Variants in PPM1L observed in about 807,000 individuals in gnomAD.
The protein encoded by PPM1L is protein phosphatase, Mg2+/Mn2+ dependent 1L.
Under a neutral mutation model 31.4 loss-of-function variants are expected in PPM1L, and 13 were observed. The ratio of observed to expected loss-of-function variants is 0.41; its 90% CI spans 0.27 to 0.66. The LOEUF is 0.66. Ranked by LOEUF, PPM1L falls within the 30% of genes least tolerant of loss-of-function variation. The pLI is 0.29. For missense variants in PPM1L, 326 were observed against 453.7 expected (o/e 0.72, Z 2.56); for synonymous variants, 184 against 175.4 (o/e 1.05, Z -0.39).
At chr3:161,037,106 T>C (rs1718761958) in intron 2 of PPM1L, among the ~76,000 whole-genome samples, 1 of 152,226 alleles carries the variant, frequency 6.6e-6, no homozygotes, top group African/African-American at 2.4e-5. Context: ...ACTTCTCTCA[T>C]TGCGGTGGAA....
chr3:161,024,308 C>T (rs183852990), intron 2 of PPM1L, among the ~76,000 whole-genome samples: 356 of 150,824 alleles, frequency 2.4e-3, no homozygotes, highest in African/African-American at 8.4e-3. Context: ...TTTTGTTTGG[C>T]TTTCACATGA....
chr3:160,933,051 G>T (rs1395350466), intron 1 of PPM1L, among the ~76,000 whole-genome samples: 1 of 152,118 alleles, frequency 6.6e-6, no homozygotes, highest in African/African-American at 2.4e-5. Flanking sequence ...ATCCATGAAG[G>T]GAGTATGATT....
At chr3:160,963,547 A>G (rs1716036015) in intron 2 of PPM1L, among the ~76,000 whole-genome samples, 2 of 152,094 alleles carry the variant, frequency 1.3e-5, no homozygotes, top group Admixed American at 1.3e-4. Flanking sequence ...GTTAAGATGA[A>G]ATGTGGAGCC....
intron 2 of PPM1L, among the ~76,000 whole-genome samples, chr3:161,051,403 C>CACACACAA (rs1491153188): frequency 1.4e-5 from 2 of 147,934 alleles, no homozygotes; most frequent in African/African-American, 5.0e-5. Context: ...CACACACACA[C>CACACACAA]AACCATCCTG....
intron 1 of PPM1L, among the ~76,000 whole-genome samples, chr3:160,771,580 A>G (rs1300233631): frequency 1.5e-5 from 2 of 130,278 alleles, no homozygotes; most frequent in African/African-American, 5.9e-5. Flanking sequence ...TAAAAAGAGC[A>G]TATTAAATAT....
chr3:161,066,655 T>C (rs1380636396), intron 3 of PPM1L, among the ~76,000 whole-genome samples: 1 of 152,226 alleles, frequency 6.6e-6, no homozygotes, highest in African/African-American at 2.4e-5. Context: ...GCAGGATGTA[T>C]GCTCTTCATG....
intron 1 of PPM1L, among the ~76,000 whole-genome samples, chr3:160,787,491 A>G (rs1159787923): frequency 1.3e-5 from 2 of 152,144 alleles, no homozygotes; most frequent in Non-Finnish European, 2.9e-5. Context: ...GATTCTGGAT[A>G]TTAGACCTTT....
intron 1 of PPM1L, among the ~76,000 whole-genome samples, chr3:160,877,395 G>C (rs558903437): frequency 6.6e-6 from 1 of 152,298 alleles, no homozygotes; most frequent in African/African-American, 2.4e-5. Flanking sequence ...TCTTGCCTCA[G>C]TGTACACATC....
At chr3:160,787,191 C>T (rs1414542489) in intron 1 of PPM1L, among the ~76,000 whole-genome samples, 2 of 152,196 alleles carry the variant, frequency 1.3e-5, no homozygotes, top group Non-Finnish European at 2.9e-5. Flanking sequence ...CTGCTTTCCA[C>T]AGTGGCTGAA....
chr3:161,065,479 G>A lies in PPM1L; in HGVS notation c.651G>A (p.Leu217=), dbSNP rs758025380. 1.1e-5 allele frequency: 17 copies of A among 1,613,886 alleles called. No homozygotes were observed. In the East Asian group the frequency reaches 1.1e-4, roughly 11 times the overall value. ...ACGTGGGTGACTCGCGCGGGGTCCT[G>A]TGTGACAAAGATGGGAACGCTATTC... is the stretch of plus-strand genomic sequence containing the variant. ...VANVGDSRGV[L]CDKDGNAIPL... The change falls in exon 3 of 4, where the codon CTG becomes CTA. Residue 217 remains leucine, a synonymous_variant. Transcript: ENST00000498165.
At chr3:160,882,689 C>T (rs1426124595) in intron 1 of PPM1L, among the ~76,000 whole-genome samples, 2 of 152,154 alleles carry the variant, frequency 1.3e-5, no homozygotes, top group Non-Finnish European at 2.9e-5. Flanking sequence ...CAGATGTACC[C>T]ACTGCAGATA....
chr3:160,929,334 A>C (rs1714706400), intron 1 of PPM1L, among the ~76,000 whole-genome samples: 1 of 152,132 alleles, frequency 6.6e-6, no homozygotes, highest in Non-Finnish European at 1.5e-5. Flanking sequence ...TCCATGAGGT[A>C]CTCAAAACTT....
At chr3:160,760,014 TG>T (rs112605482) in intron 1 of PPM1L, among the ~76,000 whole-genome samples, 2,497 of 152,270 alleles carry the variant, frequency 0.016, 60 homozygotes, top group African/African-American at 0.057. Context: ...TCTGCAGTGC[TG>T]GGGCAGCACT....
Position 160,916,377 on chromosome 3 carries a change from C to T in PPM1L, c.400-45359C>T, listed in dbSNP as rs187980479. Among the ~76,000 whole-genome samples the T allele has an allele frequency of 3.9e-4, 60 of 151,964 alleles. No homozygotes were observed. The East Asian group carries it at 8.5e-3, about 22-fold the overall frequency. ...ACAATAAGAAGGAGCTCTTATATAT[C>T]CTAGATATAATTTTTGACCACCGGA... is the stretch of plus-strand genomic sequence containing the variant. On this transcript the variant is annotated intron_variant, in intron 1 of 3. Coordinates refer to ENST00000498165, the MANE Select transcript of PPM1L (RefSeq NM_139245.4).
At chr3:160,770,832 G>T (rs1270056739) in intron 1 of PPM1L, among the ~76,000 whole-genome samples, 1 of 152,136 alleles carries the variant, frequency 6.6e-6, no homozygotes, top group South Asian at 2.1e-4. Flanking sequence ...AGGATTTCCT[G>T]TGCATAAGAT....
intron 1 of PPM1L, among the ~76,000 whole-genome samples, chr3:160,898,167 A>G (rs1713412392): frequency 6.6e-6 from 1 of 152,230 alleles, no homozygotes; most frequent in African/African-American, 2.4e-5. Flanking sequence ...TGGCATGCAG[A>G]GCCTCATATA....
intron 2 of PPM1L, among the ~76,000 whole-genome samples, chr3:160,964,393 GA>G (rs143701630): frequency 0.022 from 3,409 of 151,872 alleles, 144 homozygotes; most frequent in African/African-American, 0.077. Flanking sequence ...TCATAAAAAA[GA>G]AAAAATATAT....
intron 1 of PPM1L, among the ~76,000 whole-genome samples, chr3:160,910,246 T>G (rs7627640): frequency 4.8e-5 from 1 of 20,788 alleles, no homozygotes; most frequent in Non-Finnish European, 8.8e-5. Flanking sequence ...TCCCCTTTCC[T>G]TTCCCCTTCC....
intron 2 of PPM1L, among the ~76,000 whole-genome samples, chr3:160,998,516 TTTATCA>T (rs1181739376): frequency 2.6e-5 from 4 of 152,154 alleles, no homozygotes; most frequent in African/African-American, 7.2e-5. Flanking sequence ...TAAAGGTGAC[TTTATCA>T]TTACCTTCTT....
Sources: allele counts gnomAD v4.1 joint callset (sites outside exome capture counted in the v4.1 genomes callset), GRCh38; gene constraint gnomAD v4.1.1; transcripts MANE v1.5; gene names NCBI Gene and HGNC (gene_info 2026-07-23, HGNC 2026-07-21).